RBFOX1: variants seen among roughly 807,000 people sequenced by gnomAD.
The protein encoded by RBFOX1 is RNA binding protein fox-1 homolog 1.
Under a neutral mutation model 57.7 loss-of-function variants are expected in RBFOX1, and 8 were observed. The ratio of observed to expected loss-of-function variants is 0.14; its 90% CI spans 0.08 to 0.25. The LOEUF is 0.25. Ranked by LOEUF, RBFOX1 falls within the 10% of genes least tolerant of loss-of-function variation. The pLI, the probability that RBFOX1 is intolerant of heterozygous loss-of-function variation, is 1.00. For synonymous variants in RBFOX1, 326 were observed against 222.4 expected (o/e 1.47, Z -4.15); for missense variants, 611 against 548.5 (o/e 1.11, Z -1.14).
intron 4 of RBFOX1, among the ~76,000 whole-genome samples, chr16:7,420,418 CAG>C (rs1422569931): frequency 2.0e-5 from 3 of 152,258 alleles, no homozygotes; most frequent in African/African-American, 7.2e-5. Flanking sequence ...GCAATAAAAA[CAG>C]GAGCAAAAAG....
chr16:7,082,314 T>C (rs1418303782), intron 4 of RBFOX1, among the ~76,000 whole-genome samples: 1 of 152,048 alleles, frequency 6.6e-6, no homozygotes, highest in Non-Finnish European at 1.5e-5. Flanking sequence ...GGCGTGGTCG[T>C]TTCTGCCTGT....
At chr16:6,217,588 G>A (rs1447381014) in intron 1 of RBFOX1, among the ~76,000 whole-genome samples, 1 of 152,154 alleles carries the variant, frequency 6.6e-6, no homozygotes, top group Admixed American at 6.5e-5. Context: ...CCAGGCCCCT[G>A]GGTGTACCCA....
chr16:7,466,097 G>A (rs944110655), intron 4 of RBFOX1, among the ~76,000 whole-genome samples: 6 of 152,128 alleles, frequency 3.9e-5, no homozygotes, highest in Non-Finnish European at 5.9e-5. Context: ...CTAGCCCTGG[G>A]GCACAGGGGA....
intron 4 of RBFOX1, among the ~76,000 whole-genome samples, chr16:7,161,312 T>C (rs774399942): frequency 2.0e-5 from 3 of 151,794 alleles, no homozygotes; most frequent in Admixed American, 6.6e-5. Flanking sequence ...GAATATTTGC[T>C]AACCGTTTTA....
At chr16:6,551,591 C>G (rs560875866) in intron 2 of RBFOX1, among the ~76,000 whole-genome samples, 1 of 152,182 alleles carries the variant, frequency 6.6e-6, no homozygotes, top group East Asian at 1.9e-4. Flanking sequence ...CATAATTGAT[C>G]TGAAGGGGAG....
chr16:5,685,083 A>T (rs948664776), intron 3 of RBFOX1, among the ~76,000 whole-genome samples: 29 of 152,312 alleles, frequency 1.9e-4, no homozygotes, highest in African/African-American at 7.0e-4. Context: ...TTGGTCTCAT[A>T]AGCAGACATG....
chr16:6,826,443 C>T (rs1189007844), intron 3 of RBFOX1, among the ~76,000 whole-genome samples: 1 of 151,776 alleles, frequency 6.6e-6, no homozygotes, highest in Non-Finnish European at 1.5e-5. Context: ...CAAGTAATTC[C>T]CATGGGTTGT....
At chr16:6,350,998 A>T (rs894273866) in intron 2 of RBFOX1, among the ~76,000 whole-genome samples, 1 of 152,150 alleles carries the variant, frequency 6.6e-6, no homozygotes, top group African/African-American at 2.4e-5. Context: ...TTGGCTGACA[A>T]GTAGCAACTT....
At chr16:7,242,202 A>T (rs1392015864) in intron 4 of RBFOX1, among the ~76,000 whole-genome samples, 1 of 152,188 alleles carries the variant, frequency 6.6e-6, no homozygotes, top group Non-Finnish European at 1.5e-5. Flanking sequence ...GAGACATGGA[A>T]ACTACTGTCT....
chr16:7,159,995 G>T (rs1447698962), intron 4 of RBFOX1, among the ~76,000 whole-genome samples: 1 of 152,012 alleles, frequency 6.6e-6, no homozygotes, highest in Non-Finnish European at 1.5e-5. Context: ...CTACTTAATT[G>T]TTTTGTGTTT....
At chr16:6,549,147 A>G (rs1341117827) in intron 2 of RBFOX1, among the ~76,000 whole-genome samples, 8 of 11,338 alleles carry the variant, frequency 7.1e-4, no homozygotes, top group East Asian at 1.9e-3. Flanking sequence ...AGGAGGAGGG[A>G]AGGAGGAGGG....
chr16:6,891,871 G>A (rs2153378300), intron 3 of RBFOX1, among the ~76,000 whole-genome samples: 1 of 152,266 alleles, frequency 6.6e-6, no homozygotes, highest in East Asian at 1.9e-4. Context: ...AGCAAGGCCA[G>A]CACTGCTTTT....
At chr16:6,639,430 G>T (rs962284849) in intron 2 of RBFOX1, among the ~76,000 whole-genome samples, 1 of 152,140 alleles carries the variant, frequency 6.6e-6, no homozygotes. Context: ...TGCATCTTTT[G>T]TGGCCAGTAG....
At chr16:6,793,365 G>T (rs1462230125) in intron 3 of RBFOX1, among the ~76,000 whole-genome samples, 1 of 152,074 alleles carries the variant, frequency 6.6e-6, no homozygotes, top group Non-Finnish European at 1.5e-5. Flanking sequence ...TTCTTCCATT[G>T]AGATTGATTG....
chr16:6,535,715 C>T (rs958159779), intron 2 of RBFOX1, among the ~76,000 whole-genome samples: 3 of 152,194 alleles, frequency 2.0e-5, no homozygotes, highest in South Asian at 2.1e-4. Context: ...CACAGCCCTT[C>T]GAGCAAGGGC....
At chr16:6,880,224 G>C (rs181700538) in intron 3 of RBFOX1, among the ~76,000 whole-genome samples, 3 of 147,160 alleles carry the variant, frequency 2.0e-5, no homozygotes, top group African/African-American at 7.6e-5. Flanking sequence ...TTTCCACCGG[G>C]GGGTAGCAAC....
At position 6,260,406 on chromosome 16, in the gene RBFOX1, G is replaced by A. The variant is rs79194354; in HGVS notation, c.-126-56589G>A. Among the ~76,000 whole-genome samples the A allele has an allele frequency of 2.0e-3, 298 of 152,270 alleles. 1 individual carries two copies. Among genetic ancestry groups the A allele is most frequent in the African/African-American group, 6.8e-3 (283 of 41,554 alleles). ...GATGACCCCAAAATGTTGCAGCCAG[G>A]TTGGAATGAAGTGGGCCAGATTGGG... On this transcript the variant is annotated intron_variant, in intron 1 of 15. Transcript: ENST00000550418.
At chr16:6,039,040 A>G (rs1290059876) in intron 1 of RBFOX1, 1 of 151,502 alleles carries the variant, frequency 6.6e-6, no homozygotes, top group East Asian at 1.9e-4. Context: ...AAAAAGTAGA[A>G]AAATTAAAAA....
At chr16:7,094,720 C>G (rs1422189858) in intron 4 of RBFOX1, among the ~76,000 whole-genome samples, 2 of 140,054 alleles carry the variant, frequency 1.4e-5, no homozygotes, top group African/African-American at 5.3e-5. Flanking sequence ...GGCTGATGAA[C>G]TGAAATAAGG....
Sources: allele counts gnomAD v4.1 joint callset (sites outside exome capture counted in the v4.1 genomes callset), GRCh38; gene constraint gnomAD v4.1.1; transcripts MANE v1.5; gene names NCBI Gene and HGNC (gene_info 2026-07-23, HGNC 2026-07-21).